Variants in MGAT1 observed in about 807,000 individuals in gnomAD.
MGAT1 encodes the protein N-glycosyl-oligosaccharide-glycoprotein N-acetylglucosaminyltransferase I.
A neutral mutation model predicts 31.7 loss-of-function variants in MGAT1; 14 were observed. The ratio of observed to expected loss-of-function variants is 0.44; its 90% confidence interval spans 0.29 to 0.69. The LOEUF (loss-of-function observed/expected upper bound fraction) is 0.69. MGAT1 is among the 30% of genes least tolerant of loss of function. The pLI, the probability that MGAT1 is intolerant of heterozygous loss-of-function variation, is 0.12. For missense variants in MGAT1, 557 were observed against 626.0 expected, an observed-to-expected ratio of 0.89 and a Z score of 1.18; for synonymous variants, 338 against 276.0, an observed-to-expected ratio of 1.22 and a Z score of -2.23.
At chr5:180,800,018 C>T (rs1770386122) in intron 1 of MGAT1, among the ~76,000 whole-genome samples, 1 of 152,188 alleles carries the variant, frequency 6.6e-6, no homozygotes, top group Non-Finnish European at 1.5e-5. Context: ...TATCCCAGCC[C>T]CAGCTGACTG....
upstream of MGAT1, among the ~76,000 whole-genome samples, chr5:180,806,371 A>G (rs2113548070): frequency 6.6e-6 from 1 of 152,328 alleles, no homozygotes; most frequent in South Asian, 2.1e-4. Context: ...ATGCCTTGGC[A>G]TCCTGGTGCC....
At chr5:180,794,400 A>T (rs929837312) in intron 1 of MGAT1, among the ~76,000 whole-genome samples, 23 of 122,540 alleles carry the variant, frequency 1.9e-4, no homozygotes, top group Admixed American at 5.3e-4. Flanking sequence ...TCTCAAAAAA[A>T]TTTTTTTTTA....
chr5:180,807,331 C>T (rs1008275029), upstream of MGAT1, among the ~76,000 whole-genome samples: 2 of 152,142 alleles, frequency 1.3e-5, no homozygotes, highest in Non-Finnish European at 2.9e-5. Context: ...TGTGCTCTAC[C>T]CCTCCTTTCT....
intron 1 of MGAT1, chr5:180,809,633 C>A (rs1438246294): frequency 3.3e-5 from 5 of 152,030 alleles, no homozygotes; most frequent in African/African-American, 9.7e-5. Context: ...TAATTCCCAA[C>A]CTCTGTTAAA....
At chr5:180,798,743 C>T (rs1031592136) in intron 1 of MGAT1, among the ~76,000 whole-genome samples, 2 of 152,226 alleles carry the variant, frequency 1.3e-5, no homozygotes, top group Non-Finnish European at 2.9e-5. Flanking sequence ...TTTCTCTCTC[C>T]TGCTGTGGCT....
chr5:180,794,179 G>A (rs1056893577), intron 1 of MGAT1, among the ~76,000 whole-genome samples: 91 of 144,150 alleles, frequency 6.3e-4, no homozygotes, highest in African/African-American at 2.4e-3. Flanking sequence ...AGGAGTTCAA[G>A]AATAGCCTGG....
intron 1 of MGAT1, chr5:180,795,298 T>TATACACACAC: frequency 6.7e-6 from 1 of 149,020 alleles, no homozygotes; most frequent in South Asian, 2.1e-4. Context: ...TATATATATA[T>TATACACACAC]ACACACACAC....
rs1392094016 is a variant in MGAT1, at chr5:180,792,414, C to T, written c.558G>A (p.Ala186=). The T allele has an allele frequency of 2.5e-6, 4 of 1,610,384 alleles. No homozygotes were observed. Among genetic ancestry groups the T allele is most frequent in the South Asian group, 1.1e-5 (1 of 90,884 alleles). Reference sequence around the variant, plus strand: ...GGCCCAGCGCCCAGCGGTAGTGGCGCGCGATCTTGTAGTAGCCCTGGAACT... The same window carrying T: ...GGCCCAGCGCCCAGCGGTAGTGGCGTGCGATCTTGTAGTAGCCCTGGAACT... ...HRKFQGYYKI[A]RHYRWALGQV... Residue 186 remains alanine, a synonymous_variant, in exon 2 of 2, where the codon GCG becomes GCA. Coordinates refer to ENST00000307826, the MANE Select transcript of MGAT1 (RefSeq NM_002406.4).
At chr5:180,807,052 C>A (rs1420065085), upstream of MGAT1, among the ~76,000 whole-genome samples, 1 of 152,016 alleles carries the variant, frequency 6.6e-6, no homozygotes, top group Non-Finnish European at 1.5e-5. Flanking sequence ...CACTGCCCAC[C>A]TCTCAAGCCG....
chr5:180,804,847 G>C (rs1034176863), upstream of MGAT1, among the ~76,000 whole-genome samples: 4 of 152,140 alleles, frequency 2.6e-5, no homozygotes, highest in African/African-American at 9.7e-5. Context: ...AGGGGAAACA[G>C]GATGGCGGCT....
intron 1 of MGAT1, among the ~76,000 whole-genome samples, chr5:180,812,095 G>A (rs1276429399): frequency 6.6e-6 from 1 of 152,142 alleles, no homozygotes; most frequent in Non-Finnish European, 1.5e-5. Context: ...TGTATTGTCT[G>A]TCTCCCACTA....
At chr5:180,810,000 C>T (rs945761339) in intron 1 of MGAT1, 1 of 152,208 alleles carries the variant, frequency 6.6e-6, no homozygotes, top group African/African-American at 2.4e-5. Flanking sequence ...ACCCGTCCGC[C>T]CTGCGGACGA....
rs1768354996 is a variant in MGAT1 at position 180,792,403 on chromosome 5, C to T, written c.569G>A (p.Arg190His). Residue 190 changes from arginine (R) to histidine (H), a missense_variant, in exon 2 of 2, where the codon CGC becomes CAC. Physicochemically the swap from Arg to His is conservative, Grantham distance 29 (BLOSUM62 0). Coordinates refer to ENST00000307826, the MANE Select transcript of MGAT1 (RefSeq NM_002406.4). The stretch of plus-strand genomic sequence containing the variant: ...CCGGAAGACCTGGCCCAGCGCCCAG[C>T]GGTAGTGGCGCGCGATCTTGTAGTA... The part of the protein sequence containing the change: ...QGYYKIARHY[R>H]WALGQVFRQF... The T allele has an allele frequency of 1.9e-6, 3 of 1,609,990 alleles. No individual in the cohort carries two copies. The highest frequency in any genetic ancestry group is 2.5e-6 in the Non-Finnish European group (3 of 1,177,532).
chr5:180,791,877 A>G lies in MGAT1; in HGVS notation c.1095T>C (p.Ala365=), dbSNP rs1324394547. The change falls in exon 2 of 2, where the codon GCT becomes GCC. Residue 365 remains alanine (A), a synonymous_variant. Coordinates refer to ENST00000307826, the MANE Select transcript of MGAT1 (RefSeq NM_002406.4). ...DRDFLARVYG[A]PQLQVEKVRT... ...TCACTTTCTCCACCTGCAGCTGGGG[A>G]GCACCGTAGACGCGGGCGAGGAAAT... 3 of 1,614,026 alleles carry G rather than the reference A, an allele frequency of 1.9e-6. No homozygotes were observed. The African/African-American group carries it at 4.0e-5, about 22-fold the overall frequency.
chr5:180,797,795 T>A (rs1581845932), intron 1 of MGAT1, among the ~76,000 whole-genome samples: 1 of 122,948 alleles, frequency 8.1e-6, no homozygotes, highest in South Asian at 2.7e-4. Flanking sequence ...TCAAACTTGC[T>A]CCTGTTGCCA....
At position 180,786,073 on chromosome 5, in the gene MGAT1, C is replaced by T. The variant is rs187085949; in HGVS notation, c.*5561G>A. On this transcript the variant is annotated 3_prime_UTR_variant, in exon 2 of 2. Coordinates refer to ENST00000307826, the MANE Select transcript of MGAT1 (RefSeq NM_002406.4). ...CCTCTCCTGCTTCCTGGTAGCTGAA[C>T]CAGGGCAGCATTTGCTGTGAGCTGG... 1.3e-5 allele frequency: 2 copies of T among 152,326 alleles called. No individual in the cohort carries two copies. Among genetic ancestry groups the T allele is most frequent in the Non-Finnish European group, 1.5e-5 (1 of 68,076 alleles). The allele number at this position is 152,326 out of a possible 1,614,324, so 9.4% of individuals were successfully genotyped here. A position where few individuals can be genotyped will look rare whatever the true frequency, so the allele number is the denominator to read the frequency against.
At chr5:180,793,978 A>G (rs1284175891) in intron 1 of MGAT1, among the ~76,000 whole-genome samples, 1 of 152,190 alleles carries the variant, frequency 6.6e-6, no homozygotes, top group African/African-American at 2.4e-5. Flanking sequence ...CCCAATAAAA[A>G]TACCTTTTTA....
At chr5:180,813,857 TTAGA>T (rs1260791437) in intron 1 of MGAT1, among the ~76,000 whole-genome samples, 1 of 152,022 alleles carries the variant, frequency 6.6e-6, no homozygotes, top group Non-Finnish European at 1.5e-5. Flanking sequence ...TGCAAGGGAG[TTAGA>T]TATGTAACCT....
upstream of MGAT1, chr5:180,803,578 G>A (rs535248927): frequency 6.6e-6 from 1 of 152,302 alleles, no homozygotes; most frequent in Non-Finnish European, 1.5e-5. Flanking sequence ...GGGGAGGGAG[G>A]GACAGCTCTT....
Sources: gnomAD v4.1 joint callset for allele counts (sites outside exome capture counted in the v4.1 genomes callset) on GRCh38, gnomAD v4.1.1 for gene constraint, MANE v1.5 for transcripts, NCBI Gene and HGNC (gene_info 2026-07-23, HGNC 2026-07-21) for gene names.